DCC: variants seen among roughly 807,000 people sequenced by gnomAD.
The protein encoded by DCC is netrin receptor DCC.
DCC carries 58 observed loss-of-function variants against 172.5 expected under a neutral mutation model. The observed-to-expected ratio is 0.34, with a 90% CI of 0.27 to 0.42. The LOEUF (loss-of-function observed/expected upper bound fraction) is 0.42. Among genes scored for constraint, DCC ranks in the 10% least tolerant of loss-of-function variants. The probability of loss-of-function intolerance (pLI) is 1.00; values close to 1 mark genes in which losing one functional copy is unlikely to be tolerated. For missense variants in DCC, 1,740 were observed against 1,791.0 expected, an observed-to-expected ratio of 0.97 and a Z score of 0.51; for synonymous variants, 709 against 644.5, an observed-to-expected ratio of 1.10 and a Z score of -1.52.
intron 1 of DCC, among the ~76,000 whole-genome samples, chr18:52,555,077 A>C (rs1443152504): frequency 2.0e-5 from 3 of 152,066 alleles, no homozygotes; most frequent in Non-Finnish European, 4.4e-5. Context: ...GTACCAGGTA[A>C]AAACTTTATG....
In DCC at chr18:53,532,833, AAAAC is replaced by A. The variant is rs949161618; in HGVS notation, c.*2181_*2184del. The A allele has an allele frequency of 7.9e-5, 12 of 152,108 alleles. No homozygotes were observed. Among genetic ancestry groups the A allele is most frequent in the African/African-American group, 2.9e-4 (12 of 41,448 alleles). 9.4% of individuals were successfully genotyped at this position (152,108 alleles called of 1,614,324 possible). On this transcript the variant is annotated 3_prime_UTR_variant, in exon 29 of 29. Transcript: ENST00000442544. ...AAGTTGACCAATTAAAAAAAAAAAA[AAAAC>A]CTATCATTTTCACAAATTTCTAGAT...
chr18:52,821,730 C>A (rs1568125779), intron 2 of DCC, among the ~76,000 whole-genome samples: 2 of 152,214 alleles, frequency 1.3e-5, no homozygotes. Flanking sequence ...CTGTATGTAT[C>A]TGTTTGCTTG....
rs535583888 is a variant in DCC at position 53,298,614 on chromosome 18, G to A, written c.1912-6964G>A. Among the ~76,000 whole-genome samples the A allele has an allele frequency of 3.4e-5, 5 of 147,928 alleles. 1 individual carries two copies. The South Asian group carries it at 1.1e-3, about 32-fold the overall frequency. ...GCAAAACAATAATTGGAAATTAAAA[G>A]GTTCTAATTCTTGTTCTAAGGTTTA... On this transcript the variant is annotated intron_variant, in intron 12 of 28. Transcript: ENST00000442544.
rs574654393 is a variant in DCC at position 53,267,728 on chromosome 18, A to G, written c.1912-37850A>G. On this transcript the variant is annotated intron_variant, in intron 12 of 28. Transcript: ENST00000442544. ...CAATCCTCCTGACTTGGTCTCCCCAAATGCTAGGATTAAAGGTGTAAGCCA... is the reference window on the plus strand; with the variant it reads ...CAATCCTCCTGACTTGGTCTCCCCAGATGCTAGGATTAAAGGTGTAAGCCA... Among the ~76,000 whole-genome samples, 10 of 152,228 alleles carry G rather than the reference A, an allele frequency of 6.6e-5. No individual in the cohort carries two copies. The South Asian group carries it at 2.1e-3, about 32-fold the overall frequency.
intron 1 of DCC, among the ~76,000 whole-genome samples, chr18:52,733,505 T>A (rs2036678343): frequency 6.6e-6 from 1 of 152,056 alleles, no homozygotes; most frequent in South Asian, 2.1e-4. Flanking sequence ...TTTTTTTGTT[T>A]TTTGTTTGAG....
chr18:53,062,256 A>G (rs1469603271), intron 5 of DCC, among the ~76,000 whole-genome samples: 2 of 152,098 alleles, frequency 1.3e-5, no homozygotes, highest in Non-Finnish European at 2.9e-5. Context: ...AAGATTGGAC[A>G]TTAGCTTTGG....
chr18:53,270,676 C>G (rs8093553), intron 12 of DCC, among the ~76,000 whole-genome samples: 1 of 151,962 alleles, frequency 6.6e-6, no homozygotes, highest in Non-Finnish European at 1.5e-5. Context: ...ATTAGCCCCT[C>G]GATACCATAT....
intron 24 of DCC, among the ~76,000 whole-genome samples, chr18:53,462,082 C>G (rs1393550833): frequency 6.6e-6 from 1 of 152,100 alleles, no homozygotes; most frequent in Non-Finnish European, 1.5e-5. Flanking sequence ...AAGAAAGTAC[C>G]ATTTGAAGTT....
At chr18:52,490,071 G>C (rs1252656702) in intron 1 of DCC, among the ~76,000 whole-genome samples, 1 of 152,038 alleles carries the variant, frequency 6.6e-6, no homozygotes, top group African/African-American at 2.4e-5. Flanking sequence ...GAGAGCTGTT[G>C]GGCTCTTTAA....
chr18:53,244,317 G>A (rs1169472123), intron 12 of DCC, among the ~76,000 whole-genome samples: 1 of 151,998 alleles, frequency 6.6e-6, no homozygotes, highest in Admixed American at 6.6e-5. Flanking sequence ...CCAGTGATGG[G>A]GTTCCTTTTA....
chr18:52,375,386 T>C (rs1985305278), intron 1 of DCC, among the ~76,000 whole-genome samples: 1 of 152,228 alleles, frequency 6.6e-6, no homozygotes, highest in Non-Finnish European at 1.5e-5. Flanking sequence ...TGCTCTATAA[T>C]ATTTTATTAG....
chr18:52,926,056 A>G (rs2040197049), intron 5 of DCC, among the ~76,000 whole-genome samples: 1 of 151,898 alleles, frequency 6.6e-6, no homozygotes, highest in Admixed American at 6.6e-5. Flanking sequence ...TGTAGTTTGG[A>G]GAAAGTGCCT....
At chr18:53,510,063 G>T (rs1180394834) in intron 27 of DCC, among the ~76,000 whole-genome samples, 1 of 152,110 alleles carries the variant, frequency 6.6e-6, no homozygotes, top group Non-Finnish European at 1.5e-5. Flanking sequence ...CAGTAGATCA[G>T]AGCCACCGCT....
chr18:53,107,337 A>C (rs1056516755), intron 7 of DCC, among the ~76,000 whole-genome samples: 2 of 151,774 alleles, frequency 1.3e-5, no homozygotes, highest in Non-Finnish European at 2.9e-5. Context: ...ATAGAAGTAG[A>C]TCCTTCTATT....
chr18:52,667,612 T>C (rs1023013820), intron 1 of DCC, among the ~76,000 whole-genome samples: 1 of 152,168 alleles, frequency 6.6e-6, no homozygotes, highest in African/African-American at 2.4e-5. Flanking sequence ...AGAAACACGA[T>C]CTACTAATTT....
At chr18:52,599,001 C>G (rs1598944755) in intron 1 of DCC, among the ~76,000 whole-genome samples, 1 of 152,120 alleles carries the variant, frequency 6.6e-6, no homozygotes, top group Non-Finnish European at 1.5e-5. Flanking sequence ...GCCCTCATAG[C>G]CTCATCACCT....
chr18:53,331,579 G>T (rs1280705268), intron 14 of DCC, among the ~76,000 whole-genome samples: 1 of 152,118 alleles, frequency 6.6e-6, no homozygotes, highest in Non-Finnish European at 1.5e-5. Flanking sequence ...TAACAGTCAG[G>T]ATTAGGTTAT....
chr18:52,789,617 C>G (rs768559939), intron 2 of DCC, among the ~76,000 whole-genome samples: 2 of 152,286 alleles, frequency 1.3e-5, no homozygotes, highest in African/African-American at 2.4e-5. Context: ...GTGAAACCAA[C>G]AAGCCTGAGT....
intron 1 of DCC, among the ~76,000 whole-genome samples, chr18:52,574,735 G>A (rs1477723870): frequency 6.6e-6 from 1 of 152,026 alleles, no homozygotes; most frequent in East Asian, 1.9e-4. Context: ...TTTCTTTTTG[G>A]TTATAGTCCA....
Sources: gnomAD v4.1 joint callset for allele counts (sites outside exome capture counted in the v4.1 genomes callset) on GRCh38, gnomAD v4.1.1 for gene constraint, MANE v1.5 for transcripts, NCBI Gene and HGNC (gene_info 2026-07-23, HGNC 2026-07-21) for gene names.